The following CXADR variants were observed in gnomAD, a reference collection of about 807,000 sequenced individuals.
The protein encoded by CXADR is coxsackievirus and adenovirus receptor.
CXADR carries 20 observed loss-of-function variants against 40.3 expected under a neutral mutation model. That is an observed-to-expected ratio of 0.50 (90% confidence interval 0.35 to 0.72). The LOEUF is 0.72. Ranked by LOEUF, CXADR falls within the 30% of genes least tolerant of loss-of-function variation. The probability of loss-of-function intolerance (pLI) is 0.01; values close to 1 mark genes in which losing one functional copy is unlikely to be tolerated. For missense variants in CXADR, 332 were observed against 449.1 expected, an observed-to-expected ratio of 0.74 and a Z score of 2.36; for synonymous variants, 150 against 161.3, an observed-to-expected ratio of 0.93 and a Z score of 0.53.
chr21:17,533,700 C>T (rs906774185), intron 1 of CXADR, among the ~76,000 whole-genome samples: 10 of 151,792 alleles, frequency 6.6e-5, no homozygotes, highest in African/African-American at 2.4e-4. Context: ...TGTTTAGTTG[C>T]TGTTTATTGT....
chr21:17,568,289 C>T lies in CXADR; in HGVS notation c.*2597C>T, dbSNP rs115242411. The T allele has an allele frequency of 8.5e-4, 676 of 793,094 alleles. 4 individuals carry two copies. In the African/African-American group the frequency reaches 0.012, roughly 14 times the overall value. 49.1% of individuals were successfully genotyped at this position (793,094 alleles called of 1,614,324 possible). ...GACTACAGGCTCCCATCACCACGCTCGGCTAAGTTTTTGTAATTTTAGTAG... is the reference window on the plus strand; with the variant it reads ...GACTACAGGCTCCCATCACCACGCTTGGCTAAGTTTTTGTAATTTTAGTAG... On this transcript the variant is annotated 3_prime_UTR_variant, in exon 7 of 7. Transcript: ENST00000284878.
intron 1 of CXADR, among the ~76,000 whole-genome samples, chr21:17,524,316 T>C (rs1659588118): frequency 6.6e-6 from 1 of 151,726 alleles, no homozygotes; most frequent in South Asian, 2.1e-4. Flanking sequence ...ATTCCAGCAC[T>C]TGTGGGAGGC....
At chr21:17,576,086 T>TG (rs1339568585) in intron 7 of CXADR, among the ~76,000 whole-genome samples, 1 of 20,670 alleles carries the variant, frequency 4.8e-5, no homozygotes, top group Non-Finnish European at 9.2e-5. Flanking sequence ...AGACTCCATC[T>TG]CAAAAAAAAA....
At chr21:17,624,540 C>T in the CXADR span, among the ~76,000 whole-genome samples, 1 of 152,300 alleles carries the variant, frequency 6.6e-6, no homozygotes, top group African/African-American at 2.4e-5. Context: ...CTGATTTTTC[C>T]CTTCTGCTGA....
intron 2 of CXADR, among the ~76,000 whole-genome samples, chr21:17,550,920 C>T (rs563749969): frequency 1.4e-4 from 21 of 152,254 alleles, no homozygotes; most frequent in African/African-American, 5.1e-4. Flanking sequence ...ATGATTTTAT[C>T]TGTTAGAGTC....
Position 17,566,355 on chromosome 21 carries a change from A to G in CXADR, c.*663A>G, listed in dbSNP as rs1416184303. The stretch of plus-strand genomic sequence containing the variant: ...CTGCTACAGGTAATAGGGACTTAGC[A>G]AGCTCTTTTATATGCTAAAGGAGCA... On this transcript the variant is annotated 3_prime_UTR_variant, in exon 7 of 7. Transcript: ENST00000284878. The G allele has an allele frequency of 4.0e-5, 39 of 984,926 alleles. No homozygotes were observed. The highest frequency in any genetic ancestry group is 4.5e-5 in the Non-Finnish European group (37 of 829,578). 61.0% of individuals were successfully genotyped at this position (984,926 alleles called of 1,614,324 possible). A position where few individuals can be genotyped will look rare whatever the true frequency, so the allele number is the denominator to read the frequency against.
At chr21:17,556,494 T>C (rs538106557) in intron 3 of CXADR, among the ~76,000 whole-genome samples, 9 of 152,198 alleles carry the variant, frequency 5.9e-5, no homozygotes, top group Non-Finnish European at 1.3e-4. Flanking sequence ...AGGATGAGCG[T>C]TAGAGTTAGA....
the CXADR span, among the ~76,000 whole-genome samples, chr21:17,607,008 G>GA: frequency 3.9e-5 from 6 of 152,108 alleles, no homozygotes; most frequent in South Asian, 1.0e-3. Context: ...TTTTGTAAGA[G>GA]AAAGAACACT....
At chr21:17,528,563 G>A (rs750161879) in intron 1 of CXADR, among the ~76,000 whole-genome samples, 50 of 151,320 alleles carry the variant, frequency 3.3e-4, no homozygotes, top group Non-Finnish European at 3.4e-4. Flanking sequence ...GCGCCACCAC[G>A]CCCAGCTAAT....
intron 5 of CXADR, among the ~76,000 whole-genome samples, chr21:17,561,059 TTATAAG>T (rs777084118): frequency 8.5e-5 from 13 of 152,340 alleles, no homozygotes; most frequent in Admixed American, 4.6e-4. Context: ...TATTTAGCTG[TTATAAG>T]TATGAGTAGC....
chr21:17,623,730 T>C, the CXADR span, among the ~76,000 whole-genome samples: 2 of 152,198 alleles, frequency 1.3e-5, no homozygotes, highest in Non-Finnish European at 2.9e-5. Context: ...CACTCCTCTT[T>C]GTTATCTCAT....
At chr21:17,575,002 TACATA>T (rs2061309668), downstream of CXADR, among the ~76,000 whole-genome samples, 1 of 3,602 alleles carries the variant, frequency 2.8e-4, no homozygotes, top group East Asian at 6.8e-3. Flanking sequence ...TACACACACA[TACATA>T]CATACATACA....
chr21:17,522,503 G>A (rs1488169623), intron 1 of CXADR, among the ~76,000 whole-genome samples: 1 of 152,124 alleles, frequency 6.6e-6, no homozygotes, highest in African/African-American at 2.4e-5. Context: ...TGTACTGACT[G>A]CATTATTTTC....
At chr21:17,629,009 G>T in the CXADR span, among the ~76,000 whole-genome samples, 1 of 152,110 alleles carries the variant, frequency 6.6e-6, no homozygotes, top group South Asian at 2.1e-4. Flanking sequence ...ATGATGCTGG[G>T]CTAAATAGTT....
chr21:17,542,084 CT>C, intron 1 of CXADR: 1 of 331,646 alleles, frequency 3.0e-6, no homozygotes, highest in Non-Finnish European at 5.9e-6. Context: ...AAATTTTTGT[CT>C]TCTTCCATAG....
chr21:17,513,247 A>C, intron 1 of CXADR, 75 bp downstream of exon 1: 47 of 1,264,050 alleles, frequency 3.7e-5, no homozygotes, highest in South Asian at 4.7e-5. Context: ...CCCAGGAACA[A>C]TGGGGCGTGG....
At chr21:17,613,188 G>C in the CXADR span, 1 of 152,222 alleles carries the variant, frequency 6.6e-6, no homozygotes, top group African/African-American at 2.4e-5. Context: ...AGGCCTGTGG[G>C]ACCCCCGCCC....
In CXADR at chr21:17,534,085, T is replaced by C. The variant is rs1402233349; in HGVS notation, c.44-12942T>C. On this transcript the variant is annotated intron_variant, in intron 1 of 6. Coordinates refer to ENST00000284878, the MANE Select transcript of CXADR (RefSeq NM_001338.5). ...CTATATATATACACACACACACATA[T>C]ATATATATATATATATTTTTTTTTT... is the stretch of plus-strand genomic sequence containing the variant. Among the ~76,000 whole-genome samples the C allele has an allele frequency of 1.1e-3, 88 of 78,334 alleles. 1 individual carries two copies. The highest frequency in any genetic ancestry group is 4.4e-3 in the African/African-American group (78 of 17,692). 51.4% of individuals were successfully genotyped at this position (78,334 alleles called of 152,430 possible). A position where few individuals can be genotyped will look rare whatever the true frequency, so the allele number is the denominator to read the frequency against.
downstream of CXADR, chr21:17,594,001 A>T: frequency 6.9e-7 from 1 of 1,442,808 alleles, no homozygotes; most frequent in Non-Finnish European, 9.3e-7. Flanking sequence ...ATCTAACTTC[A>T]CTACTATTAG....
Sources: allele counts gnomAD v4.1 joint callset (sites outside exome capture counted in the v4.1 genomes callset), GRCh38; gene constraint gnomAD v4.1.1; transcripts MANE v1.5; gene names NCBI Gene and HGNC (gene_info 2026-07-23, HGNC 2026-07-21).